Variants in IQSEC3 observed in about 807,000 individuals in gnomAD.
The protein encoded by IQSEC3 is IQ motif and Sec7 domain ArfGEF 3.
IQSEC3 carries 50 observed loss-of-function variants against 105.4 expected under a neutral mutation model. That is an observed-to-expected ratio of 0.47 (90% CI 0.38 to 0.60). IQSEC3 has a LOEUF of 0.60. Ranked by LOEUF, IQSEC3 falls within the 20% of genes least tolerant of loss-of-function variation. The pLI is 0.00. For missense variants in IQSEC3, 1,415 were observed against 1,630.0 expected (o/e 0.87, Z 2.27); for synonymous variants, 708 against 746.0 (o/e 0.95, Z 0.83).
chr12:131,453 G>A (rs546798048), intron 3 of IQSEC3, among the ~76,000 whole-genome samples: 1 of 152,312 alleles, frequency 6.6e-6, no homozygotes, highest in South Asian at 2.1e-4. Context: ...CATGGATGGA[G>A]CTGACCTGGG....
chr12:92,473 A>G (rs1591643763), intron 1 of IQSEC3, among the ~76,000 whole-genome samples: 1 of 152,012 alleles, frequency 6.6e-6, no homozygotes, highest in East Asian at 1.9e-4. Flanking sequence ...TCGTGCTGTG[A>G]GGTAGATTGG....
In IQSEC3 at chr12:160,880, T is replaced by C. The variant is rs140402150; in HGVS notation, c.2444-1046T>C. On this transcript the variant is annotated intron_variant, in intron 7 of 13. Transcript: ENST00000538872. ...TGCCTGTGCCCCTGTTCTCTGTCTT[T>C]GTGGGTGTATGCTTTTCTAAAAGAT... 3.3e-3 allele frequency among the ~76,000 whole-genome samples: 498 copies of C among 152,322 alleles called. 6 individuals are homozygous for C. Among genetic ancestry groups the C allele is most frequent in the African/African-American group, 0.011 (465 of 41,570 alleles).
intron 1 of IQSEC3, among the ~76,000 whole-genome samples, chr12:76,791 G>A (rs1190310069): frequency 3.9e-5 from 6 of 152,250 alleles, no homozygotes; most frequent in Non-Finnish European, 8.8e-5. Flanking sequence ...GGGGCGGCCA[G>A]ACACACACAA....
chr12:162,618 A>C lies in IQSEC3; in HGVS notation c.2583+553A>C, dbSNP rs190300193. On this transcript the variant is annotated intron_variant, in intron 8 of 13. Transcript: ENST00000538872. ...CCTCCTCATATTCTTGCCTCAGGGGACGGTGTGGGAGAGTTTGGAGATCTC... is the reference window on the plus strand; with the variant it reads ...CCTCCTCATATTCTTGCCTCAGGGGCCGGTGTGGGAGAGTTTGGAGATCTC... Among the ~76,000 whole-genome samples, 339 of 152,172 alleles carry C rather than the reference A, an allele frequency of 2.2e-3. 6 individuals carry two copies. The highest frequency in any genetic ancestry group is 7.6e-3 in the African/African-American group (314 of 41,508).
chr12:167,218 C>G (rs1938699667), intron 11 of IQSEC3: 1 of 152,174 alleles, frequency 6.6e-6, no homozygotes, highest in African/African-American at 2.4e-5. Context: ...TTTTCTGGAG[C>G]ATTTTCAAGG....
chr12:167,148 GAAAC>G (rs1346952217), intron 11 of IQSEC3: 4 of 152,186 alleles, frequency 2.6e-5, no homozygotes, highest in African/African-American at 7.2e-5. Context: ...GTTCAGTGGT[GAAAC>G]AAACAGATTC....
chr12:92,812 GC>G (rs1369790228), intron 1 of IQSEC3, among the ~76,000 whole-genome samples: 4 of 152,318 alleles, frequency 2.6e-5, no homozygotes, highest in Admixed American at 6.5e-5. Context: ...TGAGTGTGCA[GC>G]CCCTGGGAAG....
chr12:135,133 GA>G (rs553860513), intron 3 of IQSEC3, among the ~76,000 whole-genome samples: 11 of 148,388 alleles, frequency 7.4e-5, no homozygotes, highest in East Asian at 3.9e-4. Context: ...CCATCTCAAA[GA>G]AAAAAAAAAG....
At chr12:81,788 G>A (rs567961952) in intron 1 of IQSEC3, among the ~76,000 whole-genome samples, 20 of 152,166 alleles carry the variant, frequency 1.3e-4, no homozygotes, top group Non-Finnish European at 2.8e-4. Context: ...GAGGCCTAGG[G>A]CAGATTTGCA....
chr12:149,456 G>A (rs1363471326), intron 5 of IQSEC3, among the ~76,000 whole-genome samples: 1 of 152,114 alleles, frequency 6.6e-6, no homozygotes, highest in Non-Finnish European at 1.5e-5. Flanking sequence ...AGTAATCCTG[G>A]GCCGTTGGGT....
At chr12:128,050 T>G (rs1194891785) in intron 3 of IQSEC3, among the ~76,000 whole-genome samples, 4 of 152,180 alleles carry the variant, frequency 2.6e-5, no homozygotes, top group African/African-American at 7.2e-5. Context: ...GCTCTTCCCT[T>G]GGCCTCAATC....
At chr12:156,881 TGGGGCATTAAAGGGCGACCCCC>T in intron 5 of IQSEC3, 122 bp from the exon 6 acceptor site, 1 of 995,412 alleles carries the variant, frequency 1.0e-6, no homozygotes, top group Middle Eastern at 2.5e-4. Flanking sequence ...ATGGTCCTCT[TGGGGCATTAAAGGGCGACCCCC>T]GGGGGTGAGT....
At chr12:71,699 C>T (rs1338856621) in intron 1 of IQSEC3, among the ~76,000 whole-genome samples, 1 of 152,304 alleles carries the variant, frequency 6.6e-6, no homozygotes, top group Non-Finnish European at 1.5e-5. Flanking sequence ...CCCATGAGGC[C>T]AAACCCTATC....
chr12:167,232 C>T (rs992271665), intron 11 of IQSEC3: 4 of 152,176 alleles, frequency 2.6e-5, no homozygotes, highest in African/African-American at 9.7e-5. Context: ...TTCAAGGAAG[C>T]ACCTTGAAAT....
intron 1 of IQSEC3, among the ~76,000 whole-genome samples, chr12:71,091 A>G (rs1591620353): frequency 2.0e-5 from 3 of 152,268 alleles, no homozygotes; most frequent in African/African-American, 7.2e-5. Flanking sequence ...ATCAATCTTG[A>G]GTATCTTTTG....
chr12:142,238 G>A (rs782169918), intron 5 of IQSEC3: 6 of 152,252 alleles, frequency 3.9e-5, no homozygotes, highest in Non-Finnish European at 7.3e-5. Flanking sequence ...GACTGCCAGA[G>A]AGGGTTTGGA....
Position 174,646 on chromosome 12 carries a change from G to C in IQSEC3, c.3162G>C (p.Leu1054=), listed in dbSNP as rs772933483. The change falls in exon 14 of 14, where the codon CTG becomes CTC. Residue 1054 remains leucine (L), a synonymous_variant. Transcript: ENST00000538872. ...RLQTSQHNSG[L]GAERGAPVPP... ...AAACGTCCCAGCACAACTCCGGGCT[G>C]GGGGCCGAGAGGGGAGCGCCGGTGC... The C allele has an allele frequency of 6.3e-7, 1 of 1,582,162 alleles. No homozygotes were observed. The highest frequency in any genetic ancestry group is 8.5e-7 in the Non-Finnish European group (1 of 1,171,188).
chr12:131,194 C>T (rs180778906), intron 3 of IQSEC3, among the ~76,000 whole-genome samples: 3 of 152,292 alleles, frequency 2.0e-5, no homozygotes, highest in Non-Finnish European at 4.4e-5. Context: ...ATTAGAGAGA[C>T]GGAGGCCCCC....
chr12:165,231 G>C lies in IQSEC3; in HGVS notation c.2710-203G>C, dbSNP rs1867108367. 2.9e-5 allele frequency: 17 copies of C among 596,220 alleles called. No individual in the cohort carries two copies. In the South Asian group the frequency reaches 3.0e-4, roughly 10 times the overall value. The allele number at this position is 596,220 out of a possible 1,614,324, so 36.9% of individuals were successfully genotyped here. A position where few individuals can be genotyped will look rare whatever the true frequency, so the allele number is the denominator to read the frequency against. The stretch of plus-strand genomic sequence containing the variant: ...CGCCGTGGCTTGGCTTCTAAGTACA[G>C]AGGGAATAACCACTGTAGGGTTTTG... On this transcript the variant is annotated intron_variant, in intron 9 of 13. Transcript: ENST00000538872.
Sources: allele counts gnomAD v4.1 joint callset (sites outside exome capture counted in the v4.1 genomes callset), GRCh38; gene constraint gnomAD v4.1.1; transcripts MANE v1.5; gene names NCBI Gene and HGNC (gene_info 2026-07-23, HGNC 2026-07-21).